MYO15B: variants seen among roughly 807,000 people sequenced by gnomAD.
MYO15B encodes the protein myosin XVB.
In MYO15B, 207 loss-of-function variants were observed where a neutral mutation model predicts 119.3. That is an observed-to-expected ratio of 1.73 (90% CI 1.55 to 1.95). MYO15B has a LOEUF of 1.95. Among genes scored for constraint, MYO15B ranks in the 30% most tolerant of loss-of-function variants. The pLI, the probability that MYO15B is intolerant of heterozygous loss-of-function variation, is 0.00. For synonymous variants in MYO15B, 966 were observed against 498.9 expected, an observed-to-expected ratio of 1.94 and a Z score of -12.48; for missense variants, 2,264 against 1,203.1, an observed-to-expected ratio of 1.88 and a Z score of -13.04.
chr17:75,618,951 C>T (rs558652774), intron 43 of MYO15B, 192 bp from the exon 44 acceptor site: 36 of 602,166 alleles, frequency 6.0e-5, no homozygotes, highest in African/African-American at 1.9e-4. Context: ...ACAGGTGAGA[C>T]GTGTGAATGG....
At chr17:75,625,002 G>A in intron 59 of MYO15B, 86 bp downstream of exon 59, 5 of 676,446 alleles carry the variant, frequency 7.4e-6, no homozygotes, top group East Asian at 2.7e-5. Context: ...CTCCCCACAA[G>A]GGTGTGGGTC....
Position 75,588,980 on chromosome 17 carries a change from TG to T in MYO15B, c.927del (p.Gln310ArgfsTer59). The T allele has an allele frequency of 1.3e-5, 5 of 397,980 alleles. No individual in the cohort carries two copies. The highest frequency in any genetic ancestry group is 2.2e-5 in the Non-Finnish European group (5 of 225,652). The allele number at this position is 397,980 out of a possible 1,614,324, so 24.7% of individuals were successfully genotyped here. On this transcript the variant is annotated frameshift_variant, in exon 1 of 64. Transcript: ENST00000645453. LOFTEE classifies it high-confidence loss of function. ...CCGCGCCACCAGGTCGGAAAGGCGG[TG>T]GGGCAGGTGCCAGCGGCGGCAGGCG...
At chr17:75,593,168 T>C (rs1364077760) in intron 9 of MYO15B, 1 of 142,166 alleles carries the variant, frequency 7.0e-6, no homozygotes, top group Middle Eastern at 3.4e-3. Context: ...GAGACCAGCC[T>C]AGGCAACATA....
intron 49 of MYO15B, 99 bp downstream of exon 49, chr17:75,620,735 C>T (rs1488928155): frequency 1.4e-6 from 1 of 694,254 alleles, no homozygotes. Context: ...GCGGTGGGAC[C>T]ACCCTGCTGT....
chr17:75,615,336 C>T, exon 34 of MYO15B: 1 of 702,066 alleles, frequency 1.4e-6, no homozygotes, highest in Non-Finnish European at 2.6e-6. Flanking sequence ...CCTGCCATGC[C>T]AGGTAAGTCT....
exon 49 of MYO15B, chr17:75,620,494 G>A (rs1037389340): frequency 1.0e-5 from 7 of 702,640 alleles, no homozygotes; most frequent in Admixed American, 2.0e-5. Flanking sequence ...GCCGGGGGCC[G>A]TTCCGGACTC....
chr17:75,606,066 C>T lies in MYO15B; in HGVS notation c.4292+45C>T, dbSNP rs977791050. ...AGGGCTGAAGTGGGTGGGGTGAGGC[C>T]GTGGGTTCGTCCTCCAGGTGGTGGG... On this transcript the variant is annotated intron_variant, in intron 21 of 63. Coordinates refer to ENST00000645453, the Ensembl canonical transcript of MYO15B. 25 of 637,254 alleles carry T rather than the reference C, an allele frequency of 3.9e-5. No homozygotes were observed. The Middle Eastern group carries it at 1.1e-3, about 27-fold the overall frequency. The allele number at this position is 637,254 out of a possible 1,614,324, so 39.5% of individuals were successfully genotyped here.
At position 75,621,199 on chromosome 17, in the gene MYO15B, T is replaced by C. The variant is rs2058687506; in HGVS notation, c.7871+23T>C. 7.4e-6 allele frequency: 5 copies of C among 674,674 alleles called. No homozygotes were observed. In the East Asian group the frequency reaches 1.3e-4, roughly 18 times the overall value. The allele number at this position is 674,674 out of a possible 1,614,324, so 41.8% of individuals were successfully genotyped here. A position where few individuals can be genotyped will look rare whatever the true frequency, so the allele number is the denominator to read the frequency against. On this transcript the variant is annotated intron_variant, in intron 50 of 63. Coordinates refer to ENST00000645453, the Ensembl canonical transcript of MYO15B. Reference sequence around the variant, plus strand: ...CTTGTGAGTGCACTGGGCCAACCCCTGTGCCTGTCTGTCCTCAGTCTTCCT... The same window carrying C: ...CTTGTGAGTGCACTGGGCCAACCCCCGTGCCTGTCTGTCCTCAGTCTTCCT...
At chr17:75,614,605 C>T (rs1171185289) in exon 31 of MYO15B, 3 of 701,086 alleles carry the variant, frequency 4.3e-6, no homozygotes, top group Middle Eastern at 2.9e-4. Context: ...TCCCCTTGCC[C>T]CTGGCATTCA....
intron 20 of MYO15B, 75 bp from the exon 21 acceptor site, chr17:75,605,789 A>C: frequency 1.5e-6 from 1 of 647,754 alleles, no homozygotes; most frequent in African/African-American, 1.8e-5. Context: ...GGAAGGGAGG[A>C]GGCTGAGACC....
chr17:75,625,554 G>A (rs570146765), exon 61 of MYO15B: 78 of 702,990 alleles, frequency 1.1e-4, no homozygotes, highest in Non-Finnish European at 1.8e-4. Flanking sequence ...ACGTGCCAAA[G>A]CAGCTGCAAC....
In MYO15B at chr17:75,610,164, A is replaced by G. The variant is rs1299539021; in HGVS notation, c.4293-2A>G. The G allele has an allele frequency of 4.3e-6, 3 of 698,054 alleles. No individual in the cohort carries two copies. The East Asian group carries it at 8.1e-5, about 19-fold the overall frequency. 43.2% of individuals were successfully genotyped at this position (698,054 alleles called of 1,614,324 possible). A position where few individuals can be genotyped will look rare whatever the true frequency, so the allele number is the denominator to read the frequency against. On this transcript the variant is annotated splice_acceptor_variant, in intron 21 of 63. Coordinates refer to ENST00000645453, the Ensembl canonical transcript of MYO15B. LOFTEE classifies it high-confidence loss of function. Reference sequence around the variant, plus strand: ...TCGCCCCCGCTCTTTCCCGGCCTCCAGGAAGCGGTACCTCCGGCGGCGGGC... The same window carrying G: ...TCGCCCCCGCTCTTTCCCGGCCTCCGGGAAGCGGTACCTCCGGCGGCGGGC...
In MYO15B at chr17:75,611,592, C is replaced by T; in HGVS notation, c.4447-9C>T. On this transcript the variant is annotated splice_polypyrimidine_tract_variant and intron_variant, in intron 23 of 63. Transcript: ENST00000645453. ...TGTGGATCCTGGGTAAATGAGTCCC[C>T]TCTGCCAGGAGCTGGGGCGCTTGGA... is the stretch of plus-strand genomic sequence containing the variant. 1 of 702,706 alleles carries T rather than the reference C, an allele frequency of 1.4e-6. No homozygotes were observed. The highest frequency in any genetic ancestry group is 2.6e-6 in the Non-Finnish European group (1 of 384,982). The allele number at this position is 702,706 out of a possible 1,614,324, so 43.5% of individuals were successfully genotyped here. A position where few individuals can be genotyped will look rare whatever the true frequency, so the allele number is the denominator to read the frequency against.
chr17:75,588,746 T>A, exon 1 of MYO15B: 1 of 398,060 alleles, frequency 2.5e-6, no homozygotes, highest in South Asian at 1.3e-4. Context: ...ACGGGGCCCC[T>A]GGGAGCCAGC....
exon 8 of MYO15B, chr17:75,592,445 C>A: frequency 1.6e-6 from 1 of 616,154 alleles, no homozygotes; most frequent in South Asian, 1.9e-5. Context: ...CTGAGCGGAG[C>A]TTCCATGTTT....
intron 21 of MYO15B, among the ~76,000 whole-genome samples, chr17:75,608,964 C>T (rs1017213286): frequency 1.3e-5 from 2 of 151,498 alleles, no homozygotes; most frequent in Non-Finnish European, 2.9e-5. Flanking sequence ...GAACTCCTGA[C>T]CTCGTGATCT....
At chr17:75,621,977 G>A (rs1390618551) in intron 52 of MYO15B, 27 bp from the exon 53 acceptor site, 3 of 702,756 alleles carry the variant, frequency 4.3e-6, no homozygotes, top group Non-Finnish European at 7.8e-6. Context: ...CCCCAGCTAT[G>A]TGCCCTGTTT....
Position 75,589,048 on chromosome 17 carries a change from C to T in MYO15B, c.991C>T (p.Pro331Ser). The T allele has an allele frequency of 2.5e-6, 1 of 396,634 alleles. No homozygotes were observed. Among genetic ancestry groups the T allele is most frequent in the Non-Finnish European group, 4.4e-6 (1 of 224,756 alleles). 24.6% of individuals were successfully genotyped at this position (396,634 alleles called of 1,614,324 possible). A position where few individuals can be genotyped will look rare whatever the true frequency, so the allele number is the denominator to read the frequency against. Residue 331 changes from proline to serine, a missense_variant, in exon 1 of 64, where the codon CCA becomes TCA. Physicochemically the swap from Pro to Ser is moderately conservative, Grantham distance 74. Transcript: ENST00000645453. The surrounding 1 kb of genome is among the most constrained non-coding windows in gnomAD (Gnocchi z 4.2). ...CGCAGCAGGAGCGGGGCCGGAGGAC[C>T]CAGCCCCGCTGGCGGCCCTCCTGGT... is the stretch of plus-strand genomic sequence containing the variant.
At chr17:75,621,848 T>A (rs2058729305) in intron 52 of MYO15B, 156 bp from the exon 53 acceptor site, 1 of 617,384 alleles carries the variant, frequency 1.6e-6, no homozygotes, top group East Asian at 2.7e-5. Flanking sequence ...AGTTTCCCCA[T>A]GAGTCGAGCT....
Sources: allele counts gnomAD v4.1 joint callset (sites outside exome capture counted in the v4.1 genomes callset), GRCh38; gene constraint gnomAD v4.1.1; non-coding constraint Gnocchi (gnomAD v3.1); transcripts MANE v1.5; gene names NCBI Gene and HGNC (gene_info 2026-07-23, HGNC 2026-07-21).